ADAMTSL1: variants seen among roughly 807,000 people sequenced by gnomAD.
ADAMTSL1 encodes ADAMTS like 1, also known as ADAMTS-like protein 1.
A neutral mutation model predicts 201.8 loss-of-function variants in ADAMTSL1; 126 were observed. The observed-to-expected ratio is 0.62, with a 90% CI of 0.54 to 0.72. The LOEUF (loss-of-function observed/expected upper bound fraction) is 0.72. ADAMTSL1 is among the 30% of genes least tolerant of loss of function. The probability of loss-of-function intolerance (pLI) is 0.00; values close to 1 mark genes in which losing one functional copy is unlikely to be tolerated. For synonymous variants in ADAMTSL1, 1,121 were observed against 903.4 expected (o/e 1.24, Z -4.32); for missense variants, 2,679 against 2,277.8 (o/e 1.18, Z -3.59).
At chr9:18,180,532 C>CA (rs71333030) in intron 2 of ADAMTSL1, among the ~76,000 whole-genome samples, 38,404 of 90,508 alleles carry the variant, frequency 0.42, 8,983 homozygotes, top group East Asian at 0.52. Flanking sequence ...GACTCCGTGT[C>CA]AAAAAAAAAA....
At chr9:18,096,320 T>G (rs1264860767) in intron 1 of ADAMTSL1, among the ~76,000 whole-genome samples, 1 of 152,256 alleles carries the variant, frequency 6.6e-6, no homozygotes, top group Non-Finnish European at 1.5e-5. Context: ...TATCTCACTC[T>G]TAGTTCTATC....
At chr9:18,377,698 C>T (rs1023359334) in intron 2 of ADAMTSL1, among the ~76,000 whole-genome samples, 4 of 152,112 alleles carry the variant, frequency 2.6e-5, no homozygotes, top group Admixed American at 2.6e-4. Context: ...TCCCAAGTAG[C>T]TGGGAATACA....
chr9:18,460,175 G>A (rs1217698208), intron 2 of ADAMTSL1, among the ~76,000 whole-genome samples: 5 of 152,128 alleles, frequency 3.3e-5, no homozygotes, highest in Non-Finnish European at 5.9e-5. Context: ...CTAAGCCGCT[G>A]AGCAACCACA....
chr9:18,626,877 T>TTA (rs1564099687), intron 5 of ADAMTSL1, among the ~76,000 whole-genome samples: 41 of 89,644 alleles, frequency 4.6e-4, no homozygotes, highest in African/African-American at 2.4e-3. Flanking sequence ...CTGTCTTTCT[T>TTA]CCTTCCTTCC....
chr9:18,527,383 A>G (rs1476712694), intron 2 of ADAMTSL1, among the ~76,000 whole-genome samples: 2 of 152,206 alleles, frequency 1.3e-5, no homozygotes, highest in Admixed American at 6.5e-5. Flanking sequence ...ATGTATTGAC[A>G]TCAGGTATAA....
intron 2 of ADAMTSL1, among the ~76,000 whole-genome samples, chr9:18,306,805 C>T (rs1055051777): frequency 6.6e-6 from 1 of 152,132 alleles, no homozygotes; most frequent in Admixed American, 6.5e-5. Context: ...CCCAACCTAG[C>T]AAGACAGGCC....
Position 17,931,324 on chromosome 9 carries a change from G to T in ADAMTSL1, c.87+24402G>T, listed in dbSNP as rs1194728935. On this transcript the variant is annotated intron_variant, in intron 1 of 29. Coordinates refer to the ADAMTSL1 transcript ENST00000680146. ...AACTCCGTTCCTTAGCAGAAAGAAA[G>T]AATTCAGTCTGGTGGGTGAGGTGGG... Among the ~76,000 whole-genome samples, 8 of 151,930 alleles carry T rather than the reference G, an allele frequency of 5.3e-5. No homozygotes were observed. In the South Asian group the frequency reaches 1.0e-3, roughly 20 times the overall value.
At chr9:18,813,562 A>G (rs1823645778) in intron 20 of ADAMTSL1, among the ~76,000 whole-genome samples, 1 of 152,156 alleles carries the variant, frequency 6.6e-6, no homozygotes, top group South Asian at 2.1e-4. Context: ...ATTTGTTCCT[A>G]AGGGGTTTTT....
At chr9:18,115,595 G>T (rs536749768) in intron 1 of ADAMTSL1, among the ~76,000 whole-genome samples, 1 of 152,282 alleles carries the variant, frequency 6.6e-6, no homozygotes, top group African/African-American at 2.4e-5. Context: ...GATTTACTGT[G>T]TTCTGGGCAC....
At chr9:18,561,190 C>A (rs1351609773) in intron 3 of ADAMTSL1, among the ~76,000 whole-genome samples, 1 of 152,206 alleles carries the variant, frequency 6.6e-6, no homozygotes, top group African/African-American at 2.4e-5. Context: ...TTTCCCTCTA[C>A]ACACTGCTTT....
intron 23 of ADAMTSL1, among the ~76,000 whole-genome samples, chr9:18,850,009 A>G (rs1428604922): frequency 6.6e-6 from 1 of 152,238 alleles, no homozygotes; most frequent in Non-Finnish European, 1.5e-5. Context: ...ATGCACATCC[A>G]TAAATATAAA....
chr9:17,908,529 T>G (rs1825810733), intron 1 of ADAMTSL1, among the ~76,000 whole-genome samples: 1 of 152,084 alleles, frequency 6.6e-6, no homozygotes, highest in South Asian at 2.1e-4. Flanking sequence ...TGACCTCGGC[T>G]CACTGCAACC....
chr9:18,694,225 T>A (rs1342034381), intron 13 of ADAMTSL1, among the ~76,000 whole-genome samples: 1 of 152,126 alleles, frequency 6.6e-6, no homozygotes, highest in Admixed American at 6.5e-5. Flanking sequence ...TGACAGGAGA[T>A]TTGGGCAAGG....
Position 18,777,689 on chromosome 9 carries a change from G to T in ADAMTSL1, c.3460G>T (p.Gly1154Trp), listed in dbSNP as rs776062342. Residue 1154 changes from glycine (G) to tryptophan (W), a missense_variant, in exon 19 of 29, where the codon GGG (glycine) becomes TGG (tryptophan). By Grantham distance (184) the Gly-to-Trp change is radical. Coordinates refer to ENST00000380548, the MANE Select transcript of ADAMTSL1 (RefSeq NM_001040272.6). ...GCGGACCTCCTCCACCGGGGACGCC[G>T]GGGGAGGCTCTCGAAGGCCACACCG... is the stretch of plus-strand genomic sequence containing the variant. ...SLRTSSTGDA[G>W]GGSRRPHRKP... 1.2e-6 allele frequency: 2 copies of T among 1,613,102 alleles called. No individual in the cohort carries two copies. The highest frequency in any genetic ancestry group is 2.2e-5 in the East Asian group (1 of 44,866).
chr9:18,036,632 C>G (rs1821211129), intron 1 of ADAMTSL1, among the ~76,000 whole-genome samples: 1 of 152,124 alleles, frequency 6.6e-6, no homozygotes, highest in African/African-American at 2.4e-5. Context: ...CCAGAGTAAT[C>G]AGATCAGTGA....
At chr9:17,977,415 T>C (rs898274413) in intron 1 of ADAMTSL1, among the ~76,000 whole-genome samples, 1 of 152,128 alleles carries the variant, frequency 6.6e-6, no homozygotes, top group African/African-American at 2.4e-5. Context: ...AAATGTTTAG[T>C]AAAATTCCTG....
At chr9:18,717,002 C>G (rs1374765833) in intron 14 of ADAMTSL1, among the ~76,000 whole-genome samples, 1 of 127,892 alleles carries the variant, frequency 7.8e-6, no homozygotes, top group African/African-American at 2.7e-5. Flanking sequence ...AAAACCAAAC[C>G]GCATATTCTC....
chr9:18,323,897 A>C (rs568628233), intron 2 of ADAMTSL1, among the ~76,000 whole-genome samples: 1 of 152,252 alleles, frequency 6.6e-6, no homozygotes, highest in South Asian at 2.1e-4. Context: ...AAAGATGCCA[A>C]CTCTCCTCAA....
At chr9:18,194,407 C>A (rs1317308858) in intron 2 of ADAMTSL1, among the ~76,000 whole-genome samples, 6 of 152,036 alleles carry the variant, frequency 3.9e-5, no homozygotes, top group Non-Finnish European at 8.8e-5. Flanking sequence ...GCAACATGCA[C>A]CCTCCAAGGG....
Sources: gnomAD v4.1 joint callset for allele counts (sites outside exome capture counted in the v4.1 genomes callset) on GRCh38, gnomAD v4.1.1 for gene constraint, MANE v1.5 for transcripts, NCBI Gene and HGNC (gene_info 2026-07-23, HGNC 2026-07-21) for gene names.